Variants in MID1 observed in about 807,000 individuals in gnomAD.
The protein encoded by MID1 is midline 1, also known as E3 ubiquitin-protein ligase Midline-1.
Under a neutral mutation model 40.4 loss-of-function variants are expected in MID1, and 7 were observed. The observed-to-expected ratio is 0.17, with a 90% CI of 0.10 to 0.33. The LOEUF (loss-of-function observed/expected upper bound fraction) is 0.33, where lower values mean the gene tolerates loss of function less well. Among genes scored for constraint, MID1 ranks in the 10% least tolerant of loss-of-function variants. The pLI is 1.00. For missense variants in MID1, 367 were observed against 558.5 expected, an observed-to-expected ratio of 0.66 and a Z score of 3.46; for synonymous variants, 229 against 221.2, an observed-to-expected ratio of 1.04 and a Z score of -0.31.
At chrX:10,561,248 C>G (rs916105670) in intron 2 of MID1, among the ~76,000 whole-genome samples, 1 of 107,062 alleles carries the variant, frequency 9.3e-6, no homozygotes, top group African/African-American at 3.7e-5. Context: ...AATGTAAAAC[C>G]CCAAACCATA....
chrX:10,642,837 C>A (rs1936216273), intron 1 of MID1, among the ~76,000 whole-genome samples: 1 of 110,147 alleles, frequency 9.1e-6, no homozygotes, highest in African/African-American at 3.3e-5. Context: ...TGGAACAGAA[C>A]AGAGCCCTCA....
intron 1 of MID1, among the ~76,000 whole-genome samples, chrX:10,793,859 A>G (rs1265442058): frequency 9.0e-6 from 1 of 111,417 alleles, no homozygotes; most frequent in Non-Finnish European, 1.9e-5. Context: ...AAGTAGCCAC[A>G]ATTCACTCTA....
intron 1 of MID1, among the ~76,000 whole-genome samples, chrX:10,733,401 A>C (rs943575820): frequency 8.9e-6 from 1 of 111,904 alleles, no homozygotes; most frequent in African/African-American, 3.2e-5. Flanking sequence ...AGGGCAGGAA[A>C]ATTTTTTTTA....
At chrX:10,704,418 A>G (rs923305940) in intron 1 of MID1, among the ~76,000 whole-genome samples, 2 of 109,851 alleles carry the variant, frequency 1.8e-5, no homozygotes, top group East Asian at 5.7e-4. Flanking sequence ...TTAGTAACAC[A>G]TCAAAGGGAA....
At chrX:10,671,514 TG>T (rs1370697116) in intron 1 of MID1, among the ~76,000 whole-genome samples, 1 of 111,644 alleles carries the variant, frequency 9.0e-6, no homozygotes, top group Non-Finnish European at 1.9e-5. Flanking sequence ...TCTTCACAGA[TG>T]GGCTTTTAGC....
chrX:10,603,902 C>A (rs1487730584), intron 1 of MID1, among the ~76,000 whole-genome samples: 1 of 111,314 alleles, frequency 9.0e-6, no homozygotes, highest in Non-Finnish European at 1.9e-5. Flanking sequence ...ATCTTTAACT[C>A]CCAACGATAT....
At chrX:10,468,645 G>A (rs1929519111) in intron 7 of MID1, among the ~76,000 whole-genome samples, 1 of 111,677 alleles carries the variant, frequency 9.0e-6, no homozygotes, top group Non-Finnish European at 1.9e-5. Context: ...AACTCTGTGG[G>A]TTGGAGGACT....
chrX:10,664,478 C>T (rs886989399), intron 1 of MID1, among the ~76,000 whole-genome samples: 5 of 111,903 alleles, frequency 4.5e-5, no homozygotes, highest in Admixed American at 2.8e-4. Flanking sequence ...CAATATGCTA[C>T]GTTTTATTTA....
chrX:10,785,862 C>A (rs1371351801), intron 1 of MID1, among the ~76,000 whole-genome samples: 1 of 112,073 alleles, frequency 8.9e-6, no homozygotes, highest in Non-Finnish European at 1.9e-5. Context: ...ACCATAAAAA[C>A]CCTAGAAGAA....
chrX:10,829,357 C>T (rs1272091594), intron 1 of MID1, among the ~76,000 whole-genome samples: 1 of 111,711 alleles, frequency 9.0e-6, no homozygotes, highest in African/African-American at 3.3e-5. Context: ...TCATTTTTGT[C>T]TCAAGTTTAG....
intron 1 of MID1, among the ~76,000 whole-genome samples, chrX:10,817,800 G>A (rs2044150451): frequency 9.2e-6 from 1 of 109,182 alleles, no homozygotes; most frequent in Admixed American, 9.8e-5. Flanking sequence ...TGTACTTTTA[G>A]TAGAGACGGG....
chrX:10,764,988 C>T (rs2043710267), intron 1 of MID1, among the ~76,000 whole-genome samples: 1 of 111,804 alleles, frequency 8.9e-6, no homozygotes, highest in South Asian at 3.7e-4. Flanking sequence ...TTTATTTAGC[C>T]CTCATCATGT....
intron 4 of MID1, among the ~76,000 whole-genome samples, chrX:10,493,454 A>G (rs1026507728): frequency 3.6e-5 from 4 of 112,451 alleles, no homozygotes; most frequent in Non-Finnish European, 7.5e-5. Context: ...ACACTGAGAT[A>G]ATAAATCTAT....
intron 1 of MID1, among the ~76,000 whole-genome samples, chrX:10,749,952 A>G (rs1257087474): frequency 9.0e-6 from 1 of 111,641 alleles, no homozygotes; most frequent in East Asian, 2.8e-4. Context: ...TATCCAAACT[A>G]TATCAAAGAT....
intron 1 of MID1, among the ~76,000 whole-genome samples, chrX:10,739,067 T>C (rs1196408181): frequency 8.9e-6 from 1 of 111,987 alleles, no homozygotes; most frequent in African/African-American, 3.2e-5. Context: ...ATTCAAGCGA[T>C]ATTTTGTTAG....
At chrX:10,565,644 G>T (rs1370211879) in intron 2 of MID1, among the ~76,000 whole-genome samples, 1 of 111,099 alleles carries the variant, frequency 9.0e-6, no homozygotes, top group Non-Finnish European at 1.9e-5. Flanking sequence ...CTTTTAATTG[G>T]TGTCTTGTGA....
At position 10,727,224 on chromosome X, in the gene MID1, C is replaced by G. The variant is rs776266220; in HGVS notation, c.-187+106330G>C. Among the ~76,000 whole-genome samples, 29 of 112,393 alleles carry G rather than the reference C, an allele frequency of 2.6e-4. 1 individual carries two copies. The highest frequency in any genetic ancestry group is 8.7e-4 in the African/African-American group (27 of 30,947). On this transcript the variant is annotated intron_variant, in intron 1 of 10. Coordinates refer to the MID1 transcript ENST00000380785. ...CCTCCTCCTGGGTTCAAGTGATTCT[C>G]TTGCCTCAGCCTCCCAAGTAGCTGG...
At chrX:10,646,215 G>A (rs369050704) in intron 1 of MID1, among the ~76,000 whole-genome samples, 3 of 111,895 alleles carry the variant, frequency 2.7e-5, no homozygotes, top group South Asian at 3.7e-4. Context: ...ATCCTTTCCC[G>A]CTTTAAATGT....
chrX:10,445,612 A>G lies in MID1; in HGVS notation c.*3756T>C, dbSNP rs1928001711. 8.9e-6 allele frequency: 1 copy of G among 111,885 alleles called. No individual in the cohort carries two copies. Among genetic ancestry groups the G allele is most frequent in the African/African-American group, 3.3e-5 (1 of 30,716 alleles). 9.2% of individuals were successfully genotyped at this position (111,885 alleles called of 1,213,427 possible). A position where few individuals can be genotyped will look rare whatever the true frequency, so the allele number is the denominator to read the frequency against. On this transcript the variant is annotated 3_prime_UTR_variant, in exon 10 of 10. Coordinates refer to ENST00000317552, the MANE Select transcript of MID1 (RefSeq NM_000381.4). ...ACCAGAAAGGAACAGCAATCAAGAC[A>G]ATAGTCAGGGCCGAGGGCTTGGCAG...
Sources: allele counts gnomAD v4.1 joint callset (sites outside exome capture counted in the v4.1 genomes callset), GRCh38; gene constraint gnomAD v4.1.1; transcripts MANE v1.5; gene names NCBI Gene and HGNC (gene_info 2026-07-23, HGNC 2026-07-21).